ADAMTS12: variants seen among roughly 807,000 people sequenced by gnomAD.
ADAMTS12 encodes the protein ADAM metallopeptidase with thrombospondin type 1 motif 12.
A neutral mutation model predicts 167.8 loss-of-function variants in ADAMTS12; 118 were observed. The ratio of observed to expected loss-of-function variants is 0.70; its 90% CI spans 0.61 to 0.82. The LOEUF is 0.82. ADAMTS12 is among the 40% of genes least tolerant of loss of function. ADAMTS12 has a pLI of 0.00. For synonymous variants in ADAMTS12, 704 were observed against 716.9 expected, an observed-to-expected ratio of 0.98 and a Z score of 0.29; for missense variants, 1,916 against 1,998.8, an observed-to-expected ratio of 0.96 and a Z score of 0.79.
At chr5:33,693,667 TCACA>T (rs1742636286) in intron 3 of ADAMTS12, among the ~76,000 whole-genome samples, 5 of 145,846 alleles carry the variant, frequency 3.4e-5, no homozygotes, top group East Asian at 2.1e-4. Flanking sequence ...GGAACATACC[TCACA>T]ATATAAAGAG....
chr5:33,645,735 G>A (rs142459663), intron 9 of ADAMTS12, among the ~76,000 whole-genome samples: 1 of 152,104 alleles, frequency 6.6e-6, no homozygotes, highest in Admixed American at 6.5e-5. Flanking sequence ...CATGGATAAT[G>A]CTACATTTTC....
intron 3 of ADAMTS12, among the ~76,000 whole-genome samples, chr5:33,725,942 G>T (rs1286144119): frequency 6.6e-6 from 1 of 152,194 alleles, no homozygotes; most frequent in African/African-American, 2.4e-5. Flanking sequence ...TCTCGTGCGA[G>T]AATCAGAGTT....
chr5:33,686,771 A>C lies in ADAMTS12; in HGVS notation c.635-2716T>G, dbSNP rs186212469. Among the ~76,000 whole-genome samples the C allele has an allele frequency of 3.4e-3, 516 of 151,058 alleles. 2 individuals are homozygous for C. The highest frequency in any genetic ancestry group is 9.2e-3 in the African/African-American group (378 of 41,206). Reference sequence around the variant, plus strand: ...GATATATACACCTCTCTCTCTATATATATATATATATTCAGTGCCTATATA... The same window carrying C: ...GATATATACACCTCTCTCTCTATATCTATATATATATTCAGTGCCTATATA... On this transcript the variant is annotated intron_variant, in intron 3 of 23. Coordinates refer to ENST00000504830, the MANE Select transcript of ADAMTS12 (RefSeq NM_030955.4).
At chr5:33,613,305 A>G (rs563499291) in intron 16 of ADAMTS12, among the ~76,000 whole-genome samples, 20 of 152,252 alleles carry the variant, frequency 1.3e-4, no homozygotes, top group Non-Finnish European at 1.8e-4. Flanking sequence ...AATGAGTGAT[A>G]TAGCCCCAAG....
intron 16 of ADAMTS12, among the ~76,000 whole-genome samples, chr5:33,613,412 C>G (rs1377748644): frequency 6.6e-6 from 1 of 152,192 alleles, no homozygotes; most frequent in Non-Finnish European, 1.5e-5. Flanking sequence ...CCACGTACCC[C>G]TCCATAATTG....
At chr5:33,740,360 G>T (rs2112369938) in intron 3 of ADAMTS12, among the ~76,000 whole-genome samples, 1 of 152,278 alleles carries the variant, frequency 6.6e-6, no homozygotes, top group East Asian at 1.9e-4. Flanking sequence ...CCCGGGGCCA[G>T]CTACATAATT....
At chr5:33,600,990 C>T (rs1402093106) in intron 16 of ADAMTS12, among the ~76,000 whole-genome samples, 1 of 152,068 alleles carries the variant, frequency 6.6e-6, no homozygotes, top group African/African-American at 2.4e-5. Context: ...CTTTCTGGCT[C>T]TCTAGGTTTC....
At chr5:33,728,017 CCT>C (rs1162798133) in intron 3 of ADAMTS12, among the ~76,000 whole-genome samples, 1 of 152,062 alleles carries the variant, frequency 6.6e-6, no homozygotes, top group African/African-American at 2.4e-5. Context: ...GATTGCAACC[CCT>C]CTTATTTTCT....
At chr5:33,755,926 C>T (rs912930434) in intron 2 of ADAMTS12, among the ~76,000 whole-genome samples, 6 of 152,120 alleles carry the variant, frequency 3.9e-5, no homozygotes, top group Admixed American at 1.3e-4. Context: ...CAATAGTATA[C>T]GAAGCACTGG....
In ADAMTS12 at chr5:33,782,981, A is replaced by C. The variant is rs6863301; in HGVS notation, c.490-31433T>G. Among the ~76,000 whole-genome samples, 904 of 152,176 alleles carry C rather than the reference A, an allele frequency of 5.9e-3. 15 individuals are homozygous for C. Among genetic ancestry groups the C allele is most frequent in the African/African-American group, 0.021 (878 of 41,564 alleles). On this transcript the variant is annotated intron_variant, in intron 2 of 23. Coordinates refer to ENST00000504830, the MANE Select transcript of ADAMTS12 (RefSeq NM_030955.4). ...TAAAAGCAGAACACACATTATCTTA[A>C]GCGCATGCCAACTATTCTCCAGGGT...
At chr5:33,665,784 T>C (rs951365263) in intron 5 of ADAMTS12, among the ~76,000 whole-genome samples, 1 of 152,088 alleles carries the variant, frequency 6.6e-6, no homozygotes, top group Admixed American at 6.6e-5. Context: ...GGTCCAGTGG[T>C]GGGCTGGACA....
At chr5:33,844,069 C>A (rs910561176) in intron 2 of ADAMTS12, among the ~76,000 whole-genome samples, 2 of 151,992 alleles carry the variant, frequency 1.3e-5, no homozygotes, top group African/African-American at 4.8e-5. Flanking sequence ...ACACTTATCA[C>A]TTCCCCAATC....
intron 2 of ADAMTS12, among the ~76,000 whole-genome samples, chr5:33,866,931 A>T (rs1356618039): frequency 1.3e-5 from 2 of 148,840 alleles, no homozygotes; most frequent in African/African-American, 2.5e-5. Flanking sequence ...ATTTAAAAGT[A>T]AAAAAAAAAT....
chr5:33,701,699 A>G (rs1743010784), intron 3 of ADAMTS12, among the ~76,000 whole-genome samples: 1 of 152,186 alleles, frequency 6.6e-6, no homozygotes, highest in Admixed American at 6.5e-5. Context: ...AAGAAACCCC[A>G]CAGCCTTGCC....
At chr5:33,686,384 C>T (rs1450014904) in intron 3 of ADAMTS12, among the ~76,000 whole-genome samples, 1 of 152,182 alleles carries the variant, frequency 6.6e-6, no homozygotes, top group Non-Finnish European at 1.5e-5. Context: ...CCGTTAGGTG[C>T]TAGCAGGAAG....
chr5:33,534,544 C>T (rs1460459360), intron 23 of ADAMTS12, among the ~76,000 whole-genome samples: 1 of 151,970 alleles, frequency 6.6e-6, no homozygotes, highest in Non-Finnish European at 1.5e-5. Context: ...AATTCTCATC[C>T]ATGTTGGATG....
At chr5:33,553,777 C>T (rs1195205925) in intron 20 of ADAMTS12, among the ~76,000 whole-genome samples, 1 of 152,124 alleles carries the variant, frequency 6.6e-6, no homozygotes, top group Non-Finnish European at 1.5e-5. Flanking sequence ...AGGCTTAATA[C>T]CTGGGTGATG....
intron 19 of ADAMTS12, among the ~76,000 whole-genome samples, chr5:33,567,203 A>G (rs1415189523): frequency 1.3e-5 from 2 of 152,234 alleles, no homozygotes; most frequent in South Asian, 2.1e-4. Context: ...TCTGATATCA[A>G]TCCTACATGT....
intron 3 of ADAMTS12, among the ~76,000 whole-genome samples, chr5:33,748,816 T>C (rs1398818322): frequency 2.0e-5 from 3 of 152,200 alleles, no homozygotes; most frequent in African/African-American, 7.2e-5. Context: ...CTGTTCTCTC[T>C]GCAGGGCAAT....
Sources: allele counts gnomAD v4.1 joint callset (sites outside exome capture counted in the v4.1 genomes callset), GRCh38; gene constraint gnomAD v4.1.1; transcripts MANE v1.5; gene names NCBI Gene and HGNC (gene_info 2026-07-23, HGNC 2026-07-21).